KCNMB2: variants seen among roughly 807,000 people sequenced by gnomAD.
KCNMB2 encodes the protein calcium-activated potassium channel subunit beta-2.
A neutral mutation model predicts 24.5 loss-of-function variants in KCNMB2; 9 were observed. That is an observed-to-expected ratio of 0.37 (90% confidence interval 0.22 to 0.64). The LOEUF (loss-of-function observed/expected upper bound fraction) is 0.64. Among genes scored for constraint, KCNMB2 ranks in the 30% least tolerant of loss-of-function variants. The probability of loss-of-function intolerance (pLI) is 0.63; values close to 1 mark genes in which losing one functional copy is unlikely to be tolerated. For missense variants in KCNMB2, 226 were observed against 284.3 expected (o/e 0.79, Z 1.47); for synonymous variants, 109 against 104.4 (o/e 1.04, Z -0.27).
At chr3:178,679,546 T>C (rs565974998) in intron 1 of KCNMB2, among the ~76,000 whole-genome samples, 11 of 152,334 alleles carry the variant, frequency 7.2e-5, no homozygotes, top group Admixed American at 3.3e-4. Flanking sequence ...CATACATGAT[T>C]CTACACAAAG....
intron 1 of KCNMB2, among the ~76,000 whole-genome samples, chr3:178,687,924 G>C (rs62281738): frequency 0.055 from 8,315 of 152,164 alleles, 246 homozygotes; most frequent in Non-Finnish European, 0.073. Flanking sequence ...AAATATCTTT[G>C]CCTGACAAAA....
intron 1 of KCNMB2, among the ~76,000 whole-genome samples, chr3:178,543,137 T>C (rs1715675762): frequency 2.0e-5 from 3 of 152,190 alleles, no homozygotes; most frequent in Non-Finnish European, 4.4e-5. Flanking sequence ...ATGTCATGTC[T>C]CCAAATTCAT....
chr3:178,842,407 T>C (rs1577230042), intron 4 of KCNMB2, among the ~76,000 whole-genome samples: 1 of 152,228 alleles, frequency 6.6e-6, no homozygotes, highest in Admixed American at 6.5e-5. Context: ...ATATCTATCA[T>C]TTTATTTCAA....
chr3:178,775,023 A>C (rs1353049209), intron 1 of KCNMB2, among the ~76,000 whole-genome samples: 2 of 152,204 alleles, frequency 1.3e-5, no homozygotes, highest in African/African-American at 2.4e-5. Context: ...TAGATCTGCT[A>C]TCAGAAACAG....
At chr3:178,796,628 A>T (rs1486777979) in intron 1 of KCNMB2, among the ~76,000 whole-genome samples, 3 of 152,246 alleles carry the variant, frequency 2.0e-5, no homozygotes, top group Admixed American at 1.3e-4. Flanking sequence ...AATGTATGGA[A>T]ATTAAACAAT....
intron 1 of KCNMB2, among the ~76,000 whole-genome samples, chr3:178,632,085 C>T (rs1371776889): frequency 1.3e-5 from 2 of 152,182 alleles, no homozygotes; most frequent in Non-Finnish European, 2.9e-5. Context: ...CCATGTTATC[C>T]TGATGCTTTT....
chr3:178,819,474 C>T (rs933342384), intron 2 of KCNMB2, among the ~76,000 whole-genome samples: 4 of 152,162 alleles, frequency 2.6e-5, no homozygotes, highest in South Asian at 2.1e-4. Flanking sequence ...CAGACACCCT[C>T]GGCCTCCAGT....
At chr3:178,739,277 G>A (rs143885076) in intron 1 of KCNMB2, among the ~76,000 whole-genome samples, 40 of 152,200 alleles carry the variant, frequency 2.6e-4, no homozygotes, top group Non-Finnish European at 2.9e-4. Context: ...TTACCTGCCC[G>A]CCTCAAGTGA....
chr3:178,632,728 A>G (rs1719366029), intron 1 of KCNMB2, among the ~76,000 whole-genome samples: 1 of 152,118 alleles, frequency 6.6e-6, no homozygotes, highest in South Asian at 2.1e-4. Flanking sequence ...CACATTTCAA[A>G]ACACAATCAT....
At chr3:178,691,107 C>CATTTTTTTTTTTTTTTTTTTTTTTT (rs1721657479) in intron 1 of KCNMB2, among the ~76,000 whole-genome samples, 1 of 79,688 alleles carries the variant, frequency 1.3e-5, no homozygotes, top group African/African-American at 6.1e-5. Flanking sequence ...CCCATTAAGT[C>CATTTTTTTTTTTTTTTTTTTTTTTT]TTTTTTTTTT....
At position 178,825,679 on chromosome 3, in the gene KCNMB2, C is replaced by T; in HGVS notation, c.148C>T (p.Leu50=). Residue 50 remains leucine (L), a synonymous_variant, in exon 3 of 5, where the codon CTG becomes TTG. Transcript: ENST00000452583. ...GGCAGGAGAGGACCGAGCTATTCTC[C>T]TGGGACTGGCTATGATGGTGTGCTC... ...LKAGEDRAIL[L]GLAMMVCSIM... The T allele has an allele frequency of 6.2e-7, 1 of 1,613,974 alleles. No homozygotes were observed. Among genetic ancestry groups the T allele is most frequent in the Non-Finnish European group, 8.5e-7 (1 of 1,179,870 alleles).
chr3:178,708,113 T>C (rs894549468), intron 1 of KCNMB2, among the ~76,000 whole-genome samples: 12 of 152,152 alleles, frequency 7.9e-5, no homozygotes, highest in African/African-American at 2.9e-4. Flanking sequence ...AGAACCATAG[T>C]TTCAGTGTCT....
chr3:178,671,774 GT>G (rs112675534), intron 1 of KCNMB2, among the ~76,000 whole-genome samples: 53 of 152,250 alleles, frequency 3.5e-4, no homozygotes, highest in African/African-American at 1.3e-3. Flanking sequence ...TGAAACAGTA[GT>G]TTTTGTGCTT....
intron 1 of KCNMB2, among the ~76,000 whole-genome samples, chr3:178,651,932 A>G (rs1438437241): frequency 6.6e-6 from 1 of 152,220 alleles, no homozygotes; most frequent in East Asian, 1.9e-4. Context: ...AAGATGGATT[A>G]AAGACTTAAA....
intron 1 of KCNMB2, among the ~76,000 whole-genome samples, chr3:178,732,178 C>A (rs1314408134): frequency 6.6e-6 from 1 of 152,050 alleles, no homozygotes; most frequent in Non-Finnish European, 1.5e-5. Context: ...TTTGATTATA[C>A]TAAGGAATTA....
At chr3:178,651,119 G>A (rs1163053838) in intron 1 of KCNMB2, among the ~76,000 whole-genome samples, 1 of 152,104 alleles carries the variant, frequency 6.6e-6, no homozygotes, top group Non-Finnish European at 1.5e-5. Context: ...AAGTCAAATG[G>A]TCTCTGTTTG....
chr3:178,636,891 T>TC (rs1412919345), intron 1 of KCNMB2, among the ~76,000 whole-genome samples: 1 of 152,090 alleles, frequency 6.6e-6, no homozygotes, highest in Non-Finnish European at 1.5e-5. Flanking sequence ...TGTGTGTTGT[T>TC]CCCCCATGTG....
intron 1 of KCNMB2, among the ~76,000 whole-genome samples, chr3:178,593,495 A>G (rs1401814609): frequency 1.3e-5 from 2 of 152,036 alleles, no homozygotes; most frequent in Admixed American, 6.6e-5. Context: ...TAAATTTTGT[A>G]AACTGATTTC....
intron 1 of KCNMB2, among the ~76,000 whole-genome samples, chr3:178,631,095 C>A (rs976897187): frequency 3.3e-5 from 5 of 152,190 alleles, no homozygotes; most frequent in Admixed American, 6.5e-5. Flanking sequence ...CTGATGGAAG[C>A]TTATCTATTA....
Sources: allele counts gnomAD v4.1 joint callset (sites outside exome capture counted in the v4.1 genomes callset), GRCh38; gene constraint gnomAD v4.1.1; transcripts MANE v1.5; gene names NCBI Gene and HGNC (gene_info 2026-07-23, HGNC 2026-07-21).